Variants in CRB1 observed in about 807,000 individuals in gnomAD.
CRB1 encodes crumbs cell polarity complex component 1.
In CRB1, 83 loss-of-function variants were observed where a neutral mutation model predicts 120.0. That is an observed-to-expected ratio of 0.69 (90% CI 0.58 to 0.83). CRB1 has a LOEUF of 0.83. Among genes scored for constraint, CRB1 ranks in the 40% least tolerant of loss-of-function variants. CRB1 has a pLI of 0.00. For synonymous variants in CRB1, 625 were observed against 612.5 expected, an observed-to-expected ratio of 1.02 and a Z score of -0.30; for missense variants, 1,699 against 1,687.6, an observed-to-expected ratio of 1.01 and a Z score of -0.12.
intron 6 of CRB1, among the ~76,000 whole-genome samples, chr1:197,424,003 T>C (rs1664460162): frequency 6.6e-6 from 1 of 152,200 alleles, no homozygotes; most frequent in South Asian, 2.1e-4. Context: ...TCAGAATAAA[T>C]GGCATCACCT....
chr1:197,323,484 A>G (rs1197443554), intron 1 of CRB1, among the ~76,000 whole-genome samples: 1 of 152,194 alleles, frequency 6.6e-6, no homozygotes, highest in Non-Finnish European at 1.5e-5. Context: ...TAAACTAGTA[A>G]AATATGTCTA....
At chr1:197,356,254 T>C (rs1016119381) in intron 4 of CRB1, among the ~76,000 whole-genome samples, 1 of 152,230 alleles carries the variant, frequency 6.6e-6, no homozygotes, top group African/African-American at 2.4e-5. Context: ...AAAGTTCAAG[T>C]AGAGAACTTT....
At chr1:197,255,965 T>TTTTA in the CRB1 span, among the ~76,000 whole-genome samples, 1 of 85,336 alleles carries the variant, frequency 1.2e-5, no homozygotes, top group South Asian at 5.0e-4. Flanking sequence ...ATAGAACATT[T>TTTTA]TATATATATA....
At position 197,421,638 on chromosome 1, in the gene CRB1, T is replaced by G. The variant is rs1664329175; in HGVS notation, c.1810T>G (p.Ser604Ala). 5 of 1,614,206 alleles carry G rather than the reference T, an allele frequency of 3.1e-6. No homozygotes were observed. Among genetic ancestry groups the G allele is most frequent in the Non-Finnish European group, 4.2e-6 (5 of 1,180,030 alleles). ...KAPTPLESDQ[S>A]ICAFQNSFLG... The stretch of plus-strand genomic sequence containing the variant: ...TCCTACTCCACTTGAAAGTGATCAA[T>G]CAATATGTGCTTTTCAGAACTCCTT... Residue 604 changes from serine (S) to alanine (A), a missense_variant, in exon 6 of 12, where the codon TCA becomes GCA. Physicochemically the swap from Ser to Ala is moderately conservative, Grantham distance 99. Transcript: ENST00000367400.
chr1:197,343,786 T>C (rs1347130637), intron 2 of CRB1, among the ~76,000 whole-genome samples: 1 of 152,142 alleles, frequency 6.6e-6, no homozygotes, highest in Admixed American at 6.5e-5. Context: ...ACCACTATCG[T>C]CTTTTTCACA....
chr1:197,271,219 G>T (rs1485955122), intron 1 of CRB1, among the ~76,000 whole-genome samples: 1 of 152,034 alleles, frequency 6.6e-6, no homozygotes, highest in Non-Finnish European at 1.5e-5. Context: ...AAGAAAGGGA[G>T]AAAGAAATTT....
intron 11 of CRB1, among the ~76,000 whole-genome samples, chr1:197,469,334 G>A (rs1666882591): frequency 6.6e-6 from 1 of 152,154 alleles, no homozygotes; most frequent in East Asian, 1.9e-4. Context: ...TTTTTTCTGT[G>A]GGGCTGGATG....
the CRB1 span, among the ~76,000 whole-genome samples, chr1:197,219,833 G>A: frequency 6.6e-6 from 1 of 152,148 alleles, no homozygotes; most frequent in East Asian, 1.9e-4. Context: ...CTGTAAGTCA[G>A]GTTGCTTGTT....
At chr1:197,411,639 T>C (rs988352784) in intron 5 of CRB1, among the ~76,000 whole-genome samples, 1 of 152,188 alleles carries the variant, frequency 6.6e-6, no homozygotes, top group African/African-American at 2.4e-5. Flanking sequence ...TCCTCATTCA[T>C]TTTTCTCCTT....
the CRB1 span, among the ~76,000 whole-genome samples, chr1:197,242,436 A>G: frequency 2.0e-5 from 3 of 152,112 alleles, no homozygotes; most frequent in Non-Finnish European, 2.9e-5. Flanking sequence ...TGAGATAATC[A>G]TGTGGTTTTT....
intron 11 of CRB1, among the ~76,000 whole-genome samples, chr1:197,465,032 T>C (rs1292458424): frequency 6.6e-6 from 1 of 152,156 alleles, no homozygotes; most frequent in African/African-American, 2.4e-5. Flanking sequence ...TCTCAAACTA[T>C]TATTTCAAAA....
At chr1:197,280,359 TA>T (rs1177570761) in intron 1 of CRB1, among the ~76,000 whole-genome samples, 1 of 151,888 alleles carries the variant, frequency 6.6e-6, no homozygotes, top group Non-Finnish European at 1.5e-5. Flanking sequence ...CACCTGTGAA[TA>T]ATAATCTATT....
the CRB1 span, among the ~76,000 whole-genome samples, chr1:197,233,650 C>T: frequency 4.6e-5 from 7 of 152,200 alleles, no homozygotes; most frequent in Admixed American, 1.3e-4. Context: ...AACGATGTAT[C>T]AAGAGCCACG....
intron 11 of CRB1, among the ~76,000 whole-genome samples, chr1:197,459,563 A>T (rs911045863): frequency 6.6e-6 from 1 of 152,136 alleles, no homozygotes; most frequent in Non-Finnish European, 1.5e-5. Context: ...TTATAAGGTC[A>T]CCAATCCCAT....
At chr1:197,210,234 GC>G in the CRB1 span, among the ~76,000 whole-genome samples, 2 of 152,164 alleles carry the variant, frequency 1.3e-5, no homozygotes, top group Non-Finnish European at 2.9e-5. Flanking sequence ...AGGCTGTGGT[GC>G]CCAATTATGT....
At chr1:197,212,844 T>C in the CRB1 span, among the ~76,000 whole-genome samples, 1 of 152,024 alleles carries the variant, frequency 6.6e-6, no homozygotes, top group Non-Finnish European at 1.5e-5. Flanking sequence ...CAGAAATGGA[T>C]CCAAATTTAC....
intron 5 of CRB1, among the ~76,000 whole-genome samples, chr1:197,417,898 A>G (rs578088737): frequency 2.0e-5 from 3 of 152,230 alleles, no homozygotes; most frequent in Non-Finnish European, 4.4e-5. Flanking sequence ...AAGTTAGCCT[A>G]GCAGACAAAG....
chr1:197,438,798 G>A, intron 10 of CRB1, 123 bp downstream of exon 10: 1 of 1,286,186 alleles, frequency 7.8e-7, no homozygotes. Flanking sequence ...TGCTGAAATA[G>A]AGGTTCAGAC....
At chr1:197,296,177 A>G (rs1471109140) in intron 1 of CRB1, among the ~76,000 whole-genome samples, 2 of 152,084 alleles carry the variant, frequency 1.3e-5, no homozygotes, top group Non-Finnish European at 2.9e-5. Context: ...TATATTAACA[A>G]GAAACACTTT....
Sources: allele counts gnomAD v4.1 joint callset (sites outside exome capture counted in the v4.1 genomes callset), GRCh38; gene constraint gnomAD v4.1.1; transcripts MANE v1.5; gene names NCBI Gene and HGNC (gene_info 2026-07-23, HGNC 2026-07-21).